The following CYFIP2 variants were observed in gnomAD, a reference collection of about 807,000 sequenced individuals.
The protein encoded by CYFIP2 is cytoplasmic FMR1-interacting protein 2.
Under a neutral mutation model 158.7 loss-of-function variants are expected in CYFIP2, and 29 were observed. That is an observed-to-expected ratio of 0.18 (90% CI 0.14 to 0.25). The LOEUF is 0.25. Among genes scored for constraint, CYFIP2 ranks in the 10% least tolerant of loss-of-function variants. The probability of loss-of-function intolerance (pLI) is 1.00; values close to 1 mark genes in which losing one functional copy is unlikely to be tolerated. For missense variants in CYFIP2, 852 were observed against 1,639.5 expected (o/e 0.52, Z 8.29); for synonymous variants, 585 against 617.6 (o/e 0.95, Z 0.78).
In CYFIP2 at chr5:157,272,392, G is replaced by A. The variant is rs373804086; in HGVS notation, c.-24+6197G>A. Among the ~76,000 whole-genome samples, 11 of 152,292 alleles carry A rather than the reference G, an allele frequency of 7.2e-5. 1 individual carries two copies. Among genetic ancestry groups the A allele is most frequent in the Admixed American group, 6.5e-4 (10 of 15,310 alleles). ...ACTGCTAACAAGGAGACTTTGGGTG[G>A]TTGTCTTCTAAAGCAAATTATTAAA... On this transcript the variant is annotated intron_variant, in intron 1 of 30. Coordinates refer to ENST00000620254, the MANE Select transcript of CYFIP2 (RefSeq NM_001037333.3).
chr5:157,336,152 C>G (rs1462578337), intron 21 of CYFIP2, among the ~76,000 whole-genome samples: 1 of 152,112 alleles, frequency 6.6e-6, no homozygotes, highest in African/African-American at 2.4e-5. Flanking sequence ...CTCAGCCTTT[C>G]CCTCCACCTG....
At position 157,309,746 on chromosome 5, in the gene CYFIP2, C is replaced by A; in HGVS notation, c.904C>A (p.Leu302Met). Residue 302 changes from leucine to methionine, a missense_variant, in exon 10 of 31, where the codon CTG (leucine) becomes ATG (methionine). Physicochemically the swap from Leu to Met is conservative, Grantham distance 15. Coordinates refer to ENST00000620254, the MANE Select transcript of CYFIP2 (RefSeq NM_001037333.3). ...LSKIDKFFKQ[L>M]QVVPLFGDMQ... ...GCTGTGTTTGCTTCCTTTGCAGCAG[C>A]TGCAGGTGGTGCCCCTTTTCGGCGA... 6.2e-7 allele frequency: 1 copy of A among 1,602,824 alleles called. No individual in the cohort carries two copies. The highest frequency in any genetic ancestry group is 2.2e-5 in the East Asian group (1 of 44,468).
At chr5:157,283,264 C>T (rs1217514740) in intron 1 of CYFIP2, among the ~76,000 whole-genome samples, 4 of 152,084 alleles carry the variant, frequency 2.6e-5, no homozygotes, top group South Asian at 2.1e-4. Context: ...TCAAGTACTT[C>T]GCATAGTGTC....
chr5:157,328,085 TAAGACTGCCACCTAG>T, intron 19 of CYFIP2, 36 bp downstream of exon 19: 1 of 1,576,416 alleles, frequency 6.3e-7, no homozygotes, highest in Non-Finnish European at 8.7e-7. Flanking sequence ...AGCAATCTCT[TAAGACTGCCACCTAG>T]AAGACATGAT....
At chr5:157,388,427 A>T (rs1051543694) in intron 28 of CYFIP2, among the ~76,000 whole-genome samples, 1 of 152,218 alleles carries the variant, frequency 6.6e-6, no homozygotes, top group African/African-American at 2.4e-5. Context: ...TAAAAGTAAC[A>T]TATGCTCATT....
At chr5:157,270,333 G>T (rs141406122) in intron 1 of CYFIP2, among the ~76,000 whole-genome samples, 86 of 152,306 alleles carry the variant, frequency 5.6e-4, no homozygotes, top group African/African-American at 2.0e-3. Flanking sequence ...AGGAAATAAA[G>T]GTGATGGACT....
intron 1 of CYFIP2, among the ~76,000 whole-genome samples, chr5:157,282,302 G>GT (rs1443858360): frequency 6.6e-6 from 1 of 152,196 alleles, no homozygotes; most frequent in African/African-American, 2.4e-5. Flanking sequence ...AGTGGGCAGT[G>GT]TGGGGGAGGG....
At chr5:157,325,261 C>A (rs556864979) in intron 16 of CYFIP2, among the ~76,000 whole-genome samples, 81 of 152,134 alleles carry the variant, frequency 5.3e-4, no homozygotes, top group African/African-American at 1.8e-3. Flanking sequence ...TCTTCTCCCC[C>A]ACCAGCCCAC....
At chr5:157,373,655 A>T (rs1389462041) in intron 26 of CYFIP2, among the ~76,000 whole-genome samples, 2 of 152,214 alleles carry the variant, frequency 1.3e-5, no homozygotes. Context: ...GAAGCTTTGT[A>T]CTGCACATGG....
chr5:157,276,749 C>A (rs1756577400), intron 1 of CYFIP2, among the ~76,000 whole-genome samples: 1 of 152,222 alleles, frequency 6.6e-6, no homozygotes, highest in Non-Finnish European at 1.5e-5. Flanking sequence ...CACCTCCACA[C>A]TAAAATGCCT....
chr5:157,320,030 C>T, intron 14 of CYFIP2, 102 bp downstream of exon 14: 1 of 1,411,472 alleles, frequency 7.1e-7, no homozygotes. Flanking sequence ...ATGGGTCCTT[C>T]CAGCAAGCTC....
Position 157,393,802 on chromosome 5 carries a change from A to G in CYFIP2, c.*802A>G, listed in dbSNP as rs1403312632. On this transcript the variant is annotated 3_prime_UTR_variant, in exon 31 of 31. Transcript: ENST00000620254. ...CAGGAAAGGCTTAGCATTGGGCCAC[A>G]TAGGGGAAGCAGCTTTGAACAAATC... is the stretch of plus-strand genomic sequence containing the variant. The G allele has an allele frequency of 6.6e-6, 1 of 152,260 alleles. No individual in the cohort carries two copies. The highest frequency in any genetic ancestry group is 1.9e-4 in the East Asian group (1 of 5,192). 9.4% of individuals were successfully genotyped at this position (152,260 alleles called of 1,614,324 possible).
intron 13 of CYFIP2, among the ~76,000 whole-genome samples, chr5:157,317,136 C>T (rs1760212987): frequency 6.6e-6 from 1 of 152,096 alleles, no homozygotes; most frequent in African/African-American, 2.4e-5. Flanking sequence ...GCTCCCGCAA[C>T]CCACTTCTAC....
intron 21 of CYFIP2, among the ~76,000 whole-genome samples, chr5:157,334,825 G>C (rs1761733844): frequency 6.6e-6 from 1 of 152,164 alleles, no homozygotes. Flanking sequence ...TTGAATCTTA[G>C]AACAGAAAAA....
chr5:157,311,520 C>T lies in CYFIP2; in HGVS notation c.993-144C>T. On this transcript the variant is annotated intron_variant, in intron 10 of 30. Coordinates refer to ENST00000620254, the MANE Select transcript of CYFIP2 (RefSeq NM_001037333.3). This position sits in a 1 kb window ranked among gnomAD's most constrained non-coding sequence, Gnocchi z 4.7. The stretch of plus-strand genomic sequence containing the variant: ...CTCCCACAGTGTTGGACTTAGCAGG[C>T]TTTCTTGCTGAGGCGGCTGGGATAC... 1 of 663,602 alleles carries T rather than the reference C, an allele frequency of 1.5e-6. No individual in the cohort carries two copies. The highest frequency in any genetic ancestry group is 2.6e-6 in the Non-Finnish European group (1 of 377,380). The allele number at this position is 663,602 out of a possible 1,614,324, so 41.1% of individuals were successfully genotyped here. A position where few individuals can be genotyped will look rare whatever the true frequency, so the allele number is the denominator to read the frequency against.
At chr5:157,325,941 C>A in intron 17 of CYFIP2, 2 of 558,056 alleles carry the variant, frequency 3.6e-6, no homozygotes, top group Non-Finnish European at 6.3e-6. Flanking sequence ...GTGTTTTAGT[C>A]CCAAATGAAT....
chr5:157,392,660 A>C (rs1185100744), intron 30 of CYFIP2, among the ~76,000 whole-genome samples, 173 bp from the exon 31 acceptor site: 2 of 152,144 alleles, frequency 1.3e-5, no homozygotes, highest in East Asian at 3.8e-4. Flanking sequence ...GAGGGTTTTT[A>C]CGGTCCAGTT....
At chr5:157,323,413 T>G (rs1337710695) in intron 15 of CYFIP2, among the ~76,000 whole-genome samples, 1 of 152,200 alleles carries the variant, frequency 6.6e-6, no homozygotes, top group East Asian at 1.9e-4. Context: ...AGAATGTTAG[T>G]GCTGAAAGGG....
intron 29 of CYFIP2, 137 bp from the exon 30 acceptor site, chr5:157,390,384 C>CA: frequency 4.1e-6 from 3 of 736,970 alleles, no homozygotes; most frequent in South Asian, 4.2e-5. Flanking sequence ...CCTTTGTACC[C>CA]ATTTTATAGG....
Sources: gnomAD v4.1 joint callset for allele counts (sites outside exome capture counted in the v4.1 genomes callset) on GRCh38, gnomAD v4.1.1 for gene constraint, Gnocchi (gnomAD v3.1) non-coding constraint, MANE v1.5 for transcripts, NCBI Gene and HGNC (gene_info 2026-07-23, HGNC 2026-07-21) for gene names.